Variants in MDN1 observed in about 807,000 individuals in gnomAD.
MDN1 encodes the protein midasin.
MDN1 carries 266 observed loss-of-function variants against 669.2 expected under a neutral mutation model. The observed-to-expected ratio is 0.40, with a 90% CI of 0.36 to 0.44. The LOEUF is 0.44. Among genes scored for constraint, MDN1 ranks in the 20% least tolerant of loss-of-function variants. The pLI is 1.00. For missense variants in MDN1, 5,940 were observed against 6,754.0 expected, an observed-to-expected ratio of 0.88 and a Z score of 4.22; for synonymous variants, 2,385 against 2,457.1, an observed-to-expected ratio of 0.97 and a Z score of 0.87.
chr6:89,696,078 G>T, intron 60 of MDN1, 86 bp from the exon 61 acceptor site: 1 of 1,473,500 alleles, frequency 6.8e-7, no homozygotes, highest in Non-Finnish European at 9.1e-7. Flanking sequence ...CTCAAGAAAT[G>T]ATAACCACAG....
At chr6:89,793,726 G>T (rs952836358) in intron 5 of MDN1, 36 bp downstream of exon 5, 20 of 1,558,404 alleles carry the variant, frequency 1.3e-5, no homozygotes, top group Non-Finnish European at 1.5e-5. Context: ...GTTTAGTAGG[G>T]GGAAGGGGAC....
In MDN1 at chr6:89,677,602, G is replaced by A. The variant is rs1811291622; in HGVS notation, c.12507C>T (p.Ser4169=). The A allele has an allele frequency of 6.2e-7, 1 of 1,614,166 alleles. No homozygotes were observed. The highest frequency in any genetic ancestry group is 8.5e-7 in the Non-Finnish European group (1 of 1,180,036). Residue 4169 remains serine, a synonymous_variant, in exon 76 of 102, where the codon TCC becomes TCT. Coordinates refer to ENST00000369393, the MANE Select transcript of MDN1 (RefSeq NM_014611.3). ...CAGCCTCCTGAGTGCTGCTGACGAT[G>A]GACAATGCGCTCTGGAGATCTAATG... ...LHPLDLQSAL[S]IVSSTQEADS... is the part of the protein sequence containing the mutation.
intron 11 of MDN1, among the ~76,000 whole-genome samples, chr6:89,777,024 C>A (rs1026789221): frequency 6.6e-6 from 1 of 152,160 alleles, no homozygotes; most frequent in African/African-American, 2.4e-5. Context: ...TCAAGGAGAA[C>A]TGACTCATAT....
intron 15 of MDN1, among the ~76,000 whole-genome samples, chr6:89,763,332 CAA>C (rs35383804): frequency 2.1e-3 from 205 of 97,032 alleles, no homozygotes; most frequent in African/African-American, 3.6e-3. Flanking sequence ...GTAGGGCACG[CAA>C]AAAAAAAAAA....
At position 89,710,807 on chromosome 6, in the gene MDN1, G is replaced by C. The variant is rs1247632216; in HGVS notation, c.7652-13C>G. 5 of 1,506,152 alleles carry C rather than the reference G, an allele frequency of 3.3e-6. No individual in the cohort carries two copies. The Admixed American group carries it at 8.7e-5, about 26-fold the overall frequency. The allele number at this position is 1,506,152 out of a possible 1,614,324, so 93.3% of individuals were successfully genotyped here. A position where few individuals can be genotyped will look rare whatever the true frequency, so the allele number is the denominator to read the frequency against. On this transcript the variant is annotated splice_polypyrimidine_tract_variant and intron_variant, in intron 49 of 101. Transcript: ENST00000369393. Reference sequence around the variant, plus strand: ...ATTTGTATGGACTCTGTGGAGGAAGGAGAAACCAGTGTTAGACTCTAAAGC... The same window carrying C: ...ATTTGTATGGACTCTGTGGAGGAAGCAGAAACCAGTGTTAGACTCTAAAGC...
chr6:89,750,267 C>T (rs1816871698), intron 24 of MDN1, 87 bp downstream of exon 24: 7 of 1,362,964 alleles, frequency 5.1e-6, no homozygotes, highest in Non-Finnish European at 7.1e-6. Flanking sequence ...CCATGTGCCT[C>T]AATTGGAAAG....
At position 89,790,110 on chromosome 6, in the gene MDN1, A is replaced by T. The variant is rs762302489; in HGVS notation, c.1098+49T>A. 7 of 1,611,088 alleles carry T rather than the reference A, an allele frequency of 4.3e-6. No individual in the cohort carries two copies. The South Asian group carries it at 7.7e-5, about 18-fold the overall frequency. On this transcript the variant is annotated intron_variant, in intron 6 of 101. Coordinates refer to ENST00000369393, the MANE Select transcript of MDN1 (RefSeq NM_014611.3). ...TTAGCAAAAGCAATATTTTAATGCA[A>T]ATATTTACAAGCATGACAAGCCACC...
In MDN1 at chr6:89,787,901, A is replaced by T. The variant is rs1245331145; in HGVS notation, c.1287T>A (p.Gly429=). Residue 429 remains glycine, a synonymous_variant, in exon 8 of 102, where the codon GGT becomes GGA. Coordinates refer to ENST00000369393, the MANE Select transcript of MDN1 (RefSeq NM_014611.3). ...ENGELLIPGR[G]DCLKVAPGFQ... ...ATCCAGGTGCCACTTTCAGACAGTC[A>T]CCTCGGCCAGGAATCAAGAGCTCTC... is the stretch of plus-strand genomic sequence containing the variant. The T allele has an allele frequency of 6.2e-7, 1 of 1,613,722 alleles. No individual in the cohort carries two copies. Among genetic ancestry groups the T allele is most frequent in the Middle Eastern group, 1.6e-4 (1 of 6,062 alleles).
chr6:89,702,935 GC>G (rs1813251429), intron 53 of MDN1, among the ~76,000 whole-genome samples: 1 of 130,918 alleles, frequency 7.6e-6, no homozygotes, highest in Non-Finnish European at 1.6e-5. Flanking sequence ...AGGGGTAAAG[GC>G]CCTTTTTTTT....
chr6:89,675,598 A>G lies in MDN1; in HGVS notation c.12646-19T>C. ...CCATTTCCTGGCAGAAGAAGGAAAA[A>G]CATGCTGAAGGGGCTGCTGACAAAC... On this transcript the variant is annotated intron_variant, in intron 77 of 101. Coordinates refer to ENST00000369393, the MANE Select transcript of MDN1 (RefSeq NM_014611.3). 1 of 1,606,030 alleles carries G rather than the reference A, an allele frequency of 6.2e-7. No homozygotes were observed. The highest frequency in any genetic ancestry group is 8.5e-7 in the Non-Finnish European group (1 of 1,173,268).
At chr6:89,723,450 G>GA in intron 39 of MDN1, 62 bp downstream of exon 39, 1 of 1,043,228 alleles carries the variant, frequency 9.6e-7, no homozygotes, top group Non-Finnish European at 1.4e-6. Flanking sequence ...ACTCTATGTT[G>GA]AAAAAATACT....
rs765432930 is a variant in MDN1 at position 89,662,842 on chromosome 6, C to T, written c.14362G>A (p.Glu4788Lys). Residue 4788 changes from glutamate to lysine, a missense_variant, in exon 86 of 102, where the codon GAG becomes AAG. By Grantham distance (56) the Glu-to-Lys change is moderately conservative (BLOSUM62 1). Transcript: ENST00000369393. ...TCAGTTTTATTGTCTTCTTCCTCCT[C>T]ATCTTCCTCCTCATCATCATCACCC... ...LWGDDDEEED[E>K]EEEDNKTEET... is the part of the protein sequence containing the mutation. The T allele has an allele frequency of 6.2e-6, 10 of 1,605,202 alleles. No homozygotes were observed. Among genetic ancestry groups the T allele is most frequent in the South Asian group, 3.3e-5 (3 of 91,078 alleles).
chr6:89,691,925 GGAC>G (rs757564850), intron 63 of MDN1, among the ~76,000 whole-genome samples: 1 of 151,924 alleles, frequency 6.6e-6, no homozygotes, highest in Non-Finnish European at 1.5e-5. Flanking sequence ...TAAGCCACTG[GGAC>G]AAATTTTTAA....
intron 83 of MDN1, among the ~76,000 whole-genome samples, chr6:89,670,164 A>ATTT (rs1234314950): frequency 1.5e-3 from 28 of 18,264 alleles, no homozygotes; most frequent in South Asian, 7.4e-3. Flanking sequence ...ATATATATAT[A>ATTT]TATATATTTT....
rs1334127255 is a variant in MDN1 at position 89,726,462 on chromosome 6, T to TA, written c.5473-1067dup. Among the ~76,000 whole-genome samples the TA allele has an allele frequency of 8.7e-4, 50 of 57,606 alleles. No individual in the cohort carries two copies. In the South Asian group the frequency reaches 0.011, roughly 13 times the overall value. The allele number at this position is 57,606 out of a possible 152,430, so 37.8% of individuals were successfully genotyped here. Reference sequence around the variant, plus strand: ...CTGGGCGGCAGACTGAGACTCTGCCTAAAAAAAAAAAGAAAAATAGAAAAA... The same window carrying TA: ...CTGGGCGGCAGACTGAGACTCTGCCTAAAAAAAAAAAAGAAAAATAGAAAAA... On this transcript the variant is annotated intron_variant, in intron 37 of 101. Coordinates refer to ENST00000369393, the MANE Select transcript of MDN1 (RefSeq NM_014611.3).
intron 93 of MDN1, 46 bp downstream of exon 93, chr6:89,654,115 ACTT>A: frequency 2.5e-6 from 4 of 1,595,730 alleles, no homozygotes; most frequent in Non-Finnish European, 3.4e-6. Context: ...AGAACTGACT[ACTT>A]CAAGTCAGAG....
At chr6:89,652,885 C>T in intron 94 of MDN1, 107 bp downstream of exon 94, 2 of 1,195,162 alleles carry the variant, frequency 1.7e-6, no homozygotes, top group South Asian at 1.6e-5. Context: ...CCTCAACAAC[C>T]AGATGTTCCA....
Position 89,661,678 on chromosome 6 carries a change from G to A in MDN1, c.14566-100C>T, listed in dbSNP as rs866974633. The A allele has an allele frequency of 3.4e-5, 39 of 1,145,114 alleles. No homozygotes were observed. The Middle Eastern group carries it at 2.5e-3, about 73-fold the overall frequency. 70.9% of individuals were successfully genotyped at this position (1,145,114 alleles called of 1,614,324 possible). ...TCAGCTCTAAGTATTTACACTGTGA[G>A]AGAACACAATATCTATTCCCTAAAA... On this transcript the variant is annotated intron_variant, in intron 87 of 101. Transcript: ENST00000369393.
rs558234511 is a variant in MDN1, at chr6:89,696,586, G to C, written c.9169-12C>G. On this transcript the variant is annotated splice_polypyrimidine_tract_variant and intron_variant, in intron 59 of 101. Transcript: ENST00000369393. The stretch of plus-strand genomic sequence containing the variant: ...AGATTGCCGGGGCCCTAAAGGACAA[G>C]AGAAGAGTCAATAACTTTTAGAAAT... 2.5e-6 allele frequency: 4 copies of C among 1,596,416 alleles called. No homozygotes were observed. Among genetic ancestry groups the C allele is most frequent in the Non-Finnish European group, 3.4e-6 (4 of 1,164,366 alleles).
Sources: gnomAD v4.1 joint callset for allele counts (sites outside exome capture counted in the v4.1 genomes callset) on GRCh38, gnomAD v4.1.1 for gene constraint, MANE v1.5 for transcripts, NCBI Gene and HGNC (gene_info 2026-07-23, HGNC 2026-07-21) for gene names.